The following ADAMTS9 variants were observed in gnomAD, a reference collection of about 807,000 sequenced individuals.
ADAMTS9 encodes the protein A disintegrin and metalloproteinase with thrombospondin motifs 9.
In ADAMTS9, 107 loss-of-function variants were observed where a neutral mutation model predicts 257.1. That is an observed-to-expected ratio of 0.42 (90% CI 0.36 to 0.49). ADAMTS9 has a LOEUF of 0.49. Ranked by LOEUF, ADAMTS9 falls within the 20% of genes least tolerant of loss-of-function variation. The probability of loss-of-function intolerance (pLI) is 0.03; values close to 1 mark genes in which losing one functional copy is unlikely to be tolerated. For synonymous variants in ADAMTS9, 982 were observed against 880.9 expected, an observed-to-expected ratio of 1.11 and a Z score of -2.03; for missense variants, 2,353 against 2,469.1, an observed-to-expected ratio of 0.95 and a Z score of 1.00.
intron 27 of ADAMTS9, among the ~76,000 whole-genome samples, chr3:64,596,211 A>G (rs548814370): frequency 1.3e-5 from 2 of 152,300 alleles, no homozygotes; most frequent in East Asian, 1.9e-4. Flanking sequence ...TGCCAAGGTC[A>G]CAAAACTTTT....
In ADAMTS9 at chr3:64,546,188, G is replaced by C. The variant is rs193061496; in HGVS notation, c.5064+570C>G. On this transcript the variant is annotated intron_variant, in intron 32 of 39. Coordinates refer to ENST00000498707, the MANE Select transcript of ADAMTS9 (RefSeq NM_182920.2). ...TAACCTAAGTGCTTTTTATATATAG[G>C]CTGAGTATCCCTTATTGGAAGTGCT... Among the ~76,000 whole-genome samples, 4 of 151,878 alleles carry C rather than the reference G, an allele frequency of 2.6e-5. No individual in the cohort carries two copies. The East Asian group carries it at 7.7e-4, about 29-fold the overall frequency.
chr3:64,570,872 T>A (rs1477300529), intron 28 of ADAMTS9, among the ~76,000 whole-genome samples: 1 of 151,926 alleles, frequency 6.6e-6, no homozygotes, highest in Non-Finnish European at 1.5e-5. Flanking sequence ...AGATACAGCA[T>A]TGGGAGTCAA....
chr3:64,635,750 A>G (rs1410614053), intron 12 of ADAMTS9, among the ~76,000 whole-genome samples: 1 of 152,158 alleles, frequency 6.6e-6, no homozygotes, highest in Non-Finnish European at 1.5e-5. Context: ...GCTGTGTTTC[A>G]GAGTCTTTTT....
intron 28 of ADAMTS9, chr3:64,588,059 T>C (rs151182509): frequency 6.6e-6 from 1 of 152,024 alleles, no homozygotes; most frequent in African/African-American, 2.4e-5. Context: ...CAATAGGAGG[T>C]TTTTAAAAGT....
chr3:64,682,794 G>T (rs1297984198), intron 2 of ADAMTS9, among the ~76,000 whole-genome samples: 1 of 152,226 alleles, frequency 6.6e-6, no homozygotes, highest in Non-Finnish European at 1.5e-5. Flanking sequence ...ATGTTAATGA[G>T]CTCCCAGGGT....
chr3:64,683,330 G>C (rs747574118), intron 2 of ADAMTS9, among the ~76,000 whole-genome samples: 1 of 152,196 alleles, frequency 6.6e-6, no homozygotes, highest in Non-Finnish European at 1.5e-5. Context: ...CAGCTGCACA[G>C]CATTGAGTCT....
chr3:64,662,443 T>C (rs962572506), intron 3 of ADAMTS9, among the ~76,000 whole-genome samples: 2 of 152,134 alleles, frequency 1.3e-5, no homozygotes, highest in Non-Finnish European at 1.5e-5. Flanking sequence ...GCAACTTTTC[T>C]ACTTCCTTGT....
intron 26 of ADAMTS9, among the ~76,000 whole-genome samples, chr3:64,598,500 C>T (rs1475278020): frequency 1.3e-5 from 2 of 151,678 alleles, no homozygotes; most frequent in Non-Finnish European, 1.5e-5. Context: ...TAAAATTTTT[C>T]GTAGAGACAA....
rs746487812 is a variant in ADAMTS9, at chr3:64,541,157, G to A, written c.5459C>T (p.Thr1820Met). The A allele has an allele frequency of 5.6e-5, 91 of 1,614,088 alleles. No homozygotes were observed. Among genetic ancestry groups the A allele is most frequent in the South Asian group, 5.2e-4 (47 of 91,086 alleles). ...RDDCQCRKDYTAAGFSSFQKI... is the reference protein window; with the variant it reads ...RDDCQCRKDYMAAGFSSFQKI... ...CTGAAAACTGGAAAACCCAGCGGCC[G>A]TGTAATCCTTCCGACATTGGCAGTC... is the stretch of plus-strand genomic sequence containing the variant. Residue 1820 changes from threonine (T) to methionine (M), a missense_variant, in exon 36 of 40, where the codon ACG becomes ATG. By Grantham distance (81) the Thr-to-Met change is moderately conservative. Coordinates refer to ENST00000498707, the MANE Select transcript of ADAMTS9 (RefSeq NM_182920.2).
chr3:64,658,808 G>A lies in ADAMTS9; in HGVS notation c.680-17C>T. 1.2e-6 allele frequency: 2 copies of A among 1,600,138 alleles called. No homozygotes were observed. Among genetic ancestry groups the A allele is most frequent in the South Asian group, 2.3e-5 (2 of 88,610 alleles). ...TTTTGTGTTCTGTAACAAATCAGATGGTATGCATTACATTTCAAGCCACAT... is the reference window on the plus strand; with the variant it reads ...TTTTGTGTTCTGTAACAAATCAGATAGTATGCATTACATTTCAAGCCACAT... On this transcript the variant is annotated splice_polypyrimidine_tract_variant and intron_variant, in intron 3 of 39. Transcript: ENST00000498707.
chr3:64,632,151 C>A (rs150037150), intron 14 of ADAMTS9, among the ~76,000 whole-genome samples: 1 of 152,282 alleles, frequency 6.6e-6, no homozygotes, highest in African/African-American at 2.4e-5. Context: ...TGCAGAATTT[C>A]AGGACCCACC....
At chr3:64,653,002 T>C (rs1445396710) in intron 8 of ADAMTS9, among the ~76,000 whole-genome samples, 1 of 152,228 alleles carries the variant, frequency 6.6e-6, no homozygotes, top group East Asian at 1.9e-4. Flanking sequence ...ATAAATTCCT[T>C]GCTTAAACTT....
intron 16 of ADAMTS9, among the ~76,000 whole-genome samples, chr3:64,624,870 T>A (rs1045229843): frequency 6.6e-6 from 1 of 152,182 alleles, no homozygotes; most frequent in Non-Finnish European, 1.5e-5. Flanking sequence ...TAATTCAAAA[T>A]TTTGATTGTG....
intron 37 of ADAMTS9, among the ~76,000 whole-genome samples, chr3:64,537,907 C>G (rs2083070438): frequency 6.6e-6 from 1 of 152,168 alleles, no homozygotes; most frequent in African/African-American, 2.4e-5. Context: ...TTAGCCCGAG[C>G]TGATTATGAC....
At chr3:64,678,488 C>T (rs1370646465) in intron 3 of ADAMTS9, among the ~76,000 whole-genome samples, 1 of 152,140 alleles carries the variant, frequency 6.6e-6, no homozygotes, top group Non-Finnish European at 1.5e-5. Context: ...ATCACATTTG[C>T]CTGGGAGAGG....
At position 64,597,983 on chromosome 3, in the gene ADAMTS9, C is replaced by T. The variant is rs567510348; in HGVS notation, c.4018-992G>A. On this transcript the variant is annotated intron_variant, in intron 26 of 39. Transcript: ENST00000498707. ...GGCTGATTTTTGCTTTCTAGCTAAT[C>T]GTAGCTCATATCAGTGTTATTTCAA... is the stretch of plus-strand genomic sequence containing the variant. Among the ~76,000 whole-genome samples, 9 of 152,262 alleles carry T rather than the reference C, an allele frequency of 5.9e-5. No individual in the cohort carries two copies. In the East Asian group the frequency reaches 9.7e-4, roughly 16 times the overall value.
intron 22 of ADAMTS9, among the ~76,000 whole-genome samples, chr3:64,609,892 A>G (rs956221880): frequency 3.3e-5 from 5 of 152,182 alleles, no homozygotes; most frequent in African/African-American, 1.2e-4. Flanking sequence ...ACAGTGATCA[A>G]AACAGTCTAC....
intron 8 of ADAMTS9, 86 bp downstream of exon 8, chr3:64,654,267 G>C (rs892358940): frequency 1.5e-6 from 2 of 1,348,388 alleles, no homozygotes; most frequent in African/African-American, 1.5e-5. Flanking sequence ...TTACACACTC[G>C]AAAGTCAAGT....
At chr3:64,538,940 A>T (rs1193472717) in intron 37 of ADAMTS9, among the ~76,000 whole-genome samples, 1 of 152,152 alleles carries the variant, frequency 6.6e-6, no homozygotes, top group African/African-American at 2.4e-5. Flanking sequence ...GCTAACCGAC[A>T]TCTAATTTGT....
Sources: allele counts gnomAD v4.1 joint callset (sites outside exome capture counted in the v4.1 genomes callset), GRCh38; gene constraint gnomAD v4.1.1; transcripts MANE v1.5; gene names NCBI Gene and HGNC (gene_info 2026-07-23, HGNC 2026-07-21).